Variants in TTC28 observed in about 807,000 individuals in gnomAD.
The protein encoded by TTC28 is tetratricopeptide repeat domain 28.
TTC28 carries 61 observed loss-of-function variants against 198.0 expected under a neutral mutation model. The observed-to-expected ratio is 0.31, with a 90% confidence interval of 0.25 to 0.38. The LOEUF (loss-of-function observed/expected upper bound fraction) is 0.38, where lower values mean the gene tolerates loss of function less well. Among genes scored for constraint, TTC28 ranks in the 10% least tolerant of loss-of-function variants. TTC28 has a pLI of 1.00. For missense variants in TTC28, 2,678 were observed against 3,164.0 expected (o/e 0.85, Z 3.69); for synonymous variants, 1,171 against 1,297.8 (o/e 0.90, Z 2.10).
At chr22:28,606,682 T>C (rs2050741749) in intron 2 of TTC28, among the ~76,000 whole-genome samples, 1 of 152,150 alleles carries the variant, frequency 6.6e-6, no homozygotes, top group Non-Finnish European at 1.5e-5. Flanking sequence ...ATACATGCAA[T>C]GTACAGACTG....
intron 12 of TTC28, among the ~76,000 whole-genome samples, chr22:28,037,108 T>C (rs1420500372): frequency 6.6e-6 from 1 of 152,222 alleles, no homozygotes; most frequent in Non-Finnish European, 1.5e-5. Context: ...GCTGGTACCA[T>C]TCCTTCTGAA....
Position 27,982,032 on chromosome 22 carries a change from G to A in TTC28, c.*189C>T. ...CAGCCCCACAGAAGTCCTGGCTTTT[G>A]GTGAATGTGGCCCAGAAAAGCCACC... On this transcript the variant is annotated 3_prime_UTR_variant, in exon 23 of 23. Coordinates refer to ENST00000397906, the MANE Select transcript of TTC28 (RefSeq NM_001145418.2). This position sits in a 1 kb window ranked among gnomAD's most constrained non-coding sequence, Gnocchi z 5.2. 1.9e-6 allele frequency: 1 copy of A among 519,880 alleles called. No homozygotes were observed. The highest frequency in any genetic ancestry group is 3.3e-6 in the Non-Finnish European group (1 of 306,876). The allele number at this position is 519,880 out of a possible 1,614,324, so 32.2% of individuals were successfully genotyped here.
chr22:28,677,063 G>A (rs1286970639), intron 1 of TTC28, among the ~76,000 whole-genome samples: 1 of 149,954 alleles, frequency 6.7e-6, no homozygotes, highest in African/African-American at 2.5e-5. Flanking sequence ...GCTAAGGCAG[G>A]AGAATTGCTT....
chr22:28,402,204 G>A (rs971343423), intron 2 of TTC28, among the ~76,000 whole-genome samples: 8 of 152,202 alleles, frequency 5.3e-5, no homozygotes, highest in African/African-American at 1.9e-4. Flanking sequence ...ACTTTGGCAT[G>A]GTAGGCCTAG....
At chr22:28,168,843 G>A (rs1281704142) in intron 5 of TTC28, among the ~76,000 whole-genome samples, 1 of 152,138 alleles carries the variant, frequency 6.6e-6, no homozygotes, top group Non-Finnish European at 1.5e-5. Flanking sequence ...AAACTAAAGA[G>A]CTTCTGCACA....
intron 1 of TTC28, among the ~76,000 whole-genome samples, chr22:28,651,573 A>G (rs1233002189): frequency 6.6e-6 from 1 of 151,220 alleles, no homozygotes; most frequent in African/African-American, 2.4e-5. Flanking sequence ...ATGCCACCAC[A>G]CCTGGCTAAT....
At chr22:28,018,281 G>GTGTGTGTGTGTA (rs1938451635) in intron 13 of TTC28, among the ~76,000 whole-genome samples, 1 of 130,338 alleles carries the variant, frequency 7.7e-6, no homozygotes, top group Non-Finnish European at 1.6e-5. Context: ...GTGTGTGTAT[G>GTGTGTGTGTGTA]TGTGTGCGCG....
chr22:28,245,202 A>G (rs1929991204), intron 5 of TTC28, among the ~76,000 whole-genome samples: 1 of 152,170 alleles, frequency 6.6e-6, no homozygotes, highest in Non-Finnish European at 1.5e-5. Context: ...AGAAGCAGAA[A>G]TTTTATTTAA....
Position 28,108,232 on chromosome 22 carries a change from C to A in TTC28, c.1613G>T (p.Arg538Leu). 1 of 1,551,104 alleles carries A rather than the reference C, an allele frequency of 6.4e-7. No homozygotes were observed. The highest frequency in any genetic ancestry group is 8.7e-7 in the Non-Finnish European group (1 of 1,146,536). ...TTCCATGGAGATCTGCAGCTCCTGC[C>A]GATGGTATTTGACCGCCTGGTCGTA... is the stretch of plus-strand genomic sequence containing the variant. ...GMYDQAVKYHRQELQISMEVN... is the reference protein window; with the variant it reads ...GMYDQAVKYHLQELQISMEVN... Residue 538 changes from arginine to leucine, a missense_variant, in exon 7 of 23, where the codon CGG (arginine) becomes CTG (leucine). Transcript: ENST00000397906.
chr22:28,635,691 G>A (rs1238607597), intron 1 of TTC28, among the ~76,000 whole-genome samples: 1 of 152,004 alleles, frequency 6.6e-6, no homozygotes, highest in African/African-American at 2.4e-5. Flanking sequence ...GACCAATAAA[G>A]TCGTATATAT....
intron 5 of TTC28, among the ~76,000 whole-genome samples, chr22:28,242,273 CT>C (rs1887777289): frequency 6.6e-6 from 1 of 152,122 alleles, no homozygotes; most frequent in Admixed American, 6.6e-5. Context: ...GTTATGACCG[CT>C]CCCAAATAAG....
At chr22:28,628,126 G>A (rs963081237) in intron 2 of TTC28, among the ~76,000 whole-genome samples, 1 of 151,280 alleles carries the variant, frequency 6.6e-6, no homozygotes, top group Non-Finnish European at 1.5e-5. Context: ...AAACCTGGGG[G>A]CTCAAGGGAT....
intron 6 of TTC28, among the ~76,000 whole-genome samples, chr22:28,130,718 C>T (rs1943041250): frequency 6.6e-6 from 1 of 152,168 alleles, no homozygotes; most frequent in South Asian, 2.1e-4. Context: ...CCTTTTGCTG[C>T]ATGAGTGGAC....
At chr22:28,128,271 T>A (rs946660502) in intron 6 of TTC28, among the ~76,000 whole-genome samples, 1 of 151,816 alleles carries the variant, frequency 6.6e-6, no homozygotes, top group South Asian at 2.1e-4. Context: ...TGAGCCGAGA[T>A]TGCGCCATTA....
intron 2 of TTC28, among the ~76,000 whole-genome samples, chr22:28,398,625 A>C (rs2046853791): frequency 6.6e-6 from 1 of 152,088 alleles, no homozygotes; most frequent in South Asian, 2.1e-4. Context: ...CAACCAAATA[A>C]ATGGTGCTTT....
chr22:27,998,828 C>G lies in TTC28; in HGVS notation c.4831G>C (p.Val1611Leu). ...TTCACAGGCAGCTGCAGGTCCAGGACGTCGGCGGCAGTAAGCAGCAGCTCC... is the reference window on the plus strand; with the variant it reads ...TTCACAGGCAGCTGCAGGTCCAGGAGGTCGGCGGCAGTAAGCAGCAGCTCC... ...LQELLLTAADVLDLQLPVKLV... is the reference protein window; with the variant it reads ...LQELLLTAADLLDLQLPVKLV... Residue 1611 changes from valine to leucine, a missense_variant, in exon 16 of 23, where the codon GTC becomes CTC. Physicochemically the swap from Val to Leu is conservative, Grantham distance 32. Around this residue, in one of 8 missense-constraint regions of TTC28, gnomAD observed 727 missense variants for 861.9 expected, o/e 0.84. Transcript: ENST00000397906. The G allele has an allele frequency of 6.4e-7, 1 of 1,550,422 alleles. No individual in the cohort carries two copies. Among genetic ancestry groups the G allele is most frequent in the South Asian group, 1.2e-5 (1 of 84,062 alleles).
chr22:28,101,784 A>T (rs1337803548), intron 8 of TTC28, among the ~76,000 whole-genome samples: 28 of 6,032 alleles, frequency 4.6e-3, no homozygotes, highest in Admixed American at 0.026. Flanking sequence ...ATCTCTGTTA[A>T]AAAAAAAAAA....
chr22:28,212,586 T>C (rs1007572926), intron 5 of TTC28, among the ~76,000 whole-genome samples: 1 of 107,374 alleles, frequency 9.3e-6, no homozygotes, highest in African/African-American at 3.2e-5. Context: ...AGATAAGAAG[T>C]TGAATCCCTG....
At chr22:28,636,127 ATTTTTTTTTTTTTTT>A (rs71316851) in intron 1 of TTC28, among the ~76,000 whole-genome samples, 1 of 65,722 alleles carries the variant, frequency 1.5e-5, no homozygotes, top group African/African-American at 6.5e-5. Flanking sequence ...AAATGTCAGG[ATTTTTTTTTTTTTTT>A]TTTTTTTTTT....
Sources: gnomAD v4.1 joint callset for allele counts (sites outside exome capture counted in the v4.1 genomes callset) on GRCh38, gnomAD v4.1.1 for gene constraint, gnomAD v4.1.1 regional missense constraint, Gnocchi (gnomAD v3.1) non-coding constraint, MANE v1.5 for transcripts, NCBI Gene and HGNC (gene_info 2026-07-23, HGNC 2026-07-21) for gene names.